OPCML: variants seen among roughly 807,000 people sequenced by gnomAD.
The protein encoded by OPCML is opioid-binding protein/cell adhesion molecule.
In OPCML, 13 loss-of-function variants were observed where a neutral mutation model predicts 37.8. The observed-to-expected ratio is 0.34, with a 90% confidence interval of 0.22 to 0.55. The LOEUF (loss-of-function observed/expected upper bound fraction) is 0.55, where lower values mean the gene tolerates loss of function less well. Ranked by LOEUF, OPCML falls within the 20% of genes least tolerant of loss-of-function variation. The pLI is 0.91. For synonymous variants in OPCML, 176 were observed against 168.8 expected, an observed-to-expected ratio of 1.04 and a Z score of -0.33; for missense variants, 341 against 435.6, an observed-to-expected ratio of 0.78 and a Z score of 1.93.
chr11:133,047,218 C>T (rs951548456), intron 1 of OPCML, among the ~76,000 whole-genome samples: 3 of 152,202 alleles, frequency 2.0e-5, no homozygotes, highest in Non-Finnish European at 4.4e-5. Context: ...GCCTAAGCAG[C>T]ACATGCCACT....
At chr11:132,507,368 T>C (rs1402949625) in intron 4 of OPCML, among the ~76,000 whole-genome samples, 2 of 152,002 alleles carry the variant, frequency 1.3e-5, no homozygotes, top group African/African-American at 2.4e-5. Flanking sequence ...AATATTTATC[T>C]TGTACTGTAG....
chr11:132,532,774 CAGG>C (rs1235105603), intron 3 of OPCML, among the ~76,000 whole-genome samples: 3 of 152,288 alleles, frequency 2.0e-5, no homozygotes, highest in East Asian at 1.9e-4. Flanking sequence ...CGGACCACAA[CAGG>C]AGAAGCCCAT....
chr11:132,994,650 T>C (rs1485492300), intron 1 of OPCML, among the ~76,000 whole-genome samples: 2 of 152,288 alleles, frequency 1.3e-5, no homozygotes, highest in East Asian at 3.9e-4. Flanking sequence ...ACTTCAACTC[T>C]GCCTTCTGCA....
At chr11:133,045,109 A>G (rs2136954083) in intron 1 of OPCML, among the ~76,000 whole-genome samples, 1 of 152,316 alleles carries the variant, frequency 6.6e-6, no homozygotes, top group Middle Eastern at 3.4e-3. Context: ...AAGCCAGCCA[A>G]GAGACCCAAT....
At position 133,508,781 on chromosome 11, in the gene OPCML, C is replaced by A. The variant is rs372721595; in HGVS notation, c.61+23483G>T. On this transcript the variant is annotated intron_variant, in intron 1 of 7. Coordinates refer to ENST00000524381, the MANE Select transcript of OPCML (RefSeq NM_001012393.5). ...CCTCCACGCCGGATGCAGCTGGGTG[C>A]GCACCAAACAGCAAGGAAAGCGCTG... 6.4e-4 allele frequency among the ~76,000 whole-genome samples: 97 copies of A among 152,246 alleles called. 1 individual carries two copies. In the East Asian group the frequency reaches 0.014, roughly 22 times the overall value.
chr11:132,817,925 G>A (rs1565885580), intron 2 of OPCML, among the ~76,000 whole-genome samples: 1 of 152,088 alleles, frequency 6.6e-6, no homozygotes. Flanking sequence ...TCACCAAGAC[G>A]TTATGAAGTA....
intron 2 of OPCML, among the ~76,000 whole-genome samples, chr11:132,693,843 A>G (rs1264934843): frequency 6.6e-6 from 1 of 152,192 alleles, no homozygotes; most frequent in Non-Finnish European, 1.5e-5. Flanking sequence ...ATCAAGGGCC[A>G]CCACGGAGAG....
At chr11:132,580,013 A>G (rs1383244599) in intron 3 of OPCML, among the ~76,000 whole-genome samples, 1 of 152,178 alleles carries the variant, frequency 6.6e-6, no homozygotes, top group Non-Finnish European at 1.5e-5. Context: ...CCTGGAGACC[A>G]CACACCCCAT....
In OPCML at chr11:132,446,103, C is replaced by CTTTTTTT. The variant is rs58784534; in HGVS notation, c.506-8751_506-8745dup. Among the ~76,000 whole-genome samples, 326 of 48,512 alleles carry CTTTTTTT rather than the reference C, an allele frequency of 6.7e-3. 54 individuals carry two copies. Among genetic ancestry groups the CTTTTTTT allele is most frequent in the Middle Eastern group, 0.057 (4 of 70 alleles). The allele number at this position is 48,512 out of a possible 152,430, so 31.8% of individuals were successfully genotyped here. A position where few individuals can be genotyped will look rare whatever the true frequency, so the allele number is the denominator to read the frequency against. On this transcript the variant is annotated intron_variant, in intron 4 of 7. Transcript: ENST00000524381. ...GTGTTTAGCTTGGCTCTGCTTGTGTCTTTTTTTTTTTTTTTTTTTTTTTTT... is the reference window on the plus strand; with the variant it reads ...GTGTTTAGCTTGGCTCTGCTTGTGTCTTTTTTTTTTTTTTTTTTTTTTTTTTTTTTTT...
At chr11:133,343,935 G>A (rs943720873) in intron 1 of OPCML, among the ~76,000 whole-genome samples, 1 of 152,130 alleles carries the variant, frequency 6.6e-6, no homozygotes, top group Non-Finnish European at 1.5e-5. Flanking sequence ...AGTCTCCTCC[G>A]CAAAGTCCCT....
chr11:132,599,372 GA>G (rs1287911779), intron 3 of OPCML, among the ~76,000 whole-genome samples: 3 of 12,482 alleles, frequency 2.4e-4, no homozygotes, highest in East Asian at 5.6e-3. Flanking sequence ...GGAGGAGGAG[GA>G]AGAAGGAGGA....
At chr11:133,330,880 G>C (rs950852925) in intron 1 of OPCML, among the ~76,000 whole-genome samples, 1 of 152,040 alleles carries the variant, frequency 6.6e-6, no homozygotes, top group African/African-American at 2.4e-5. Context: ...CAATTAAGAG[G>C]GGTAAACTTA....
At chr11:132,898,870 C>T in intron 2 of OPCML, among the ~76,000 whole-genome samples, 1 of 150,466 alleles carries the variant, frequency 6.6e-6, no homozygotes, top group East Asian at 2.0e-4. Context: ...CTTTGGAGGC[C>T]TCATGCTTCT....
intron 3 of OPCML, among the ~76,000 whole-genome samples, chr11:132,572,529 T>G (rs995353803): frequency 3.3e-5 from 5 of 152,138 alleles, no homozygotes; most frequent in African/African-American, 9.7e-5. Flanking sequence ...CATGGTATAT[T>G]CTTGGCACCC....
chr11:133,076,456 T>C (rs1948622068), intron 1 of OPCML, among the ~76,000 whole-genome samples: 1 of 152,180 alleles, frequency 6.6e-6, no homozygotes, highest in African/African-American at 2.4e-5. Context: ...CATATGGGGT[T>C]CCATTTAAGA....
intron 4 of OPCML, among the ~76,000 whole-genome samples, chr11:132,504,178 A>G (rs925688183): frequency 1.1e-4 from 16 of 152,210 alleles, no homozygotes; most frequent in Non-Finnish European, 4.4e-5. Flanking sequence ...GACTTGATTT[A>G]ATTAATAGAG....
At chr11:132,861,863 C>T (rs914685642) in intron 2 of OPCML, among the ~76,000 whole-genome samples, 2 of 149,396 alleles carry the variant, frequency 1.3e-5, no homozygotes, top group Admixed American at 1.3e-4. Context: ...AAAACAAAAA[C>T]TGTTTTTTTA....
intron 4 of OPCML, among the ~76,000 whole-genome samples, chr11:132,521,576 G>T (rs1482048698): frequency 6.6e-6 from 1 of 151,954 alleles, no homozygotes; most frequent in Non-Finnish European, 1.5e-5. Context: ...CTGGACACAG[G>T]GAGGAGAACA....
At chr11:133,467,414 T>G (rs1398990824) in intron 1 of OPCML, among the ~76,000 whole-genome samples, 2 of 152,164 alleles carry the variant, frequency 1.3e-5, no homozygotes, top group Non-Finnish European at 2.9e-5. Flanking sequence ...CTCAAAAAAG[T>G]CCTCAAGCAA....
Sources: gnomAD v4.1 joint callset for allele counts (sites outside exome capture counted in the v4.1 genomes callset) on GRCh38, gnomAD v4.1.1 for gene constraint, MANE v1.5 for transcripts, NCBI Gene and HGNC (gene_info 2026-07-23, HGNC 2026-07-21) for gene names.